DPYS: variants seen among roughly 807,000 people sequenced by gnomAD.
The protein encoded by DPYS is dihydropyrimidine amidohydrolase.
In DPYS, 39 loss-of-function variants were observed where a neutral mutation model predicts 50.3. That is an observed-to-expected ratio of 0.78 (90% CI 0.60 to 1.01). The LOEUF (loss-of-function observed/expected upper bound fraction) is 1.01. DPYS is among the 50% of genes least tolerant of loss of function. The pLI is 0.00. For missense variants in DPYS, 659 were observed against 680.9 expected (o/e 0.97, Z 0.36); for synonymous variants, 245 against 250.7 (o/e 0.98, Z 0.22).
chr8:104,450,389 G>A (rs958944430), intron 2 of DPYS, among the ~76,000 whole-genome samples: 8 of 152,114 alleles, frequency 5.3e-5, no homozygotes, highest in Non-Finnish European at 8.8e-5. Flanking sequence ...CGAGTTTGTG[G>A]GGGATGTGAG....
chr8:104,435,313 C>G (rs770527144), intron 4 of DPYS, among the ~76,000 whole-genome samples: 9 of 152,058 alleles, frequency 5.9e-5, no homozygotes, highest in Non-Finnish European at 1.2e-4. Flanking sequence ...CTTGTTTGTT[C>G]AACTTCACAC....
In DPYS at chr8:104,412,813, C is replaced by G. The variant is rs985655664; in HGVS notation, c.1235+11434G>C. ...AGCCACCACTTCTCTGCTGGCCATG[C>G]CCTTACCACCCTGGTAAAGAATGGG... On this transcript the variant is annotated intron_variant, in intron 7 of 9. Coordinates refer to ENST00000351513, the MANE Select transcript of DPYS (RefSeq NM_001385.3). 1.2e-4 allele frequency among the ~76,000 whole-genome samples: 18 copies of G among 152,204 alleles called. 1 individual carries two copies. The highest frequency in any genetic ancestry group is 4.3e-4 in the African/African-American group (18 of 41,446).
chr8:104,466,771 C>G lies in DPYS; in HGVS notation c.150G>C (p.Arg50=). 6.5e-7 allele frequency: 1 copy of G among 1,534,286 alleles called. No individual in the cohort carries two copies. Among genetic ancestry groups the G allele is most frequent in the Non-Finnish European group, 8.7e-7 (1 of 1,145,784 alleles). Residue 50 remains arginine (R), a synonymous_variant, in exon 1 of 10, where the codon CGG becomes CGC. Coordinates refer to ENST00000351513, the MANE Select transcript of DPYS (RefSeq NM_001385.3). ...CGAGCTTGCCGGCGGCGTCGAGGAC[C>G]CGCAGCCCCGCAGGAGCGCCCCCGG... The part of the protein sequence containing the change: ...LPPGGAPAGL[R]VLDAAGKLVL...
At chr8:104,463,955 C>T (rs1433375484) in intron 1 of DPYS, among the ~76,000 whole-genome samples, 4 of 152,140 alleles carry the variant, frequency 2.6e-5, no homozygotes, top group East Asian at 3.9e-4. Context: ...TCAGCTGTTT[C>T]GGGGGGTGGG....
intron 7 of DPYS, among the ~76,000 whole-genome samples, chr8:104,402,746 T>G (rs1811862407): frequency 6.6e-6 from 1 of 152,142 alleles, no homozygotes; most frequent in Non-Finnish European, 1.5e-5. Flanking sequence ...TAGCTCCATA[T>G]TTTAGGAAGA....
At chr8:104,447,802 T>C (rs2669432) in intron 2 of DPYS, among the ~76,000 whole-genome samples, 138,420 of 152,288 alleles carry the variant, frequency 0.91, 63,452 homozygotes, top group Middle Eastern at 0.98. Flanking sequence ...TCTCCCGATT[T>C]GAGGAAATTA....
At position 104,424,254 on chromosome 8, in the gene DPYS, CT is replaced by C; in HGVS notation, c.1227del (p.Gly410AlafsTer30). 6.2e-7 allele frequency: 1 copy of C among 1,614,112 alleles called. No individual in the cohort carries two copies. The highest frequency in any genetic ancestry group is 8.5e-7 in the Non-Finnish European group (1 of 1,179,992). On this transcript the variant is annotated frameshift_variant, in exon 7 of 10. Coordinates refer to ENST00000351513, the MANE Select transcript of DPYS (RefSeq NM_001385.3). LOFTEE classifies it high-confidence loss of function. ...ACAAGAACTTAGACTTACCTTGTGC[CT>C]TTTGGGTCCCAAATAACAATGTCAG... ...SDADIVIWDPKGTRTISAKTH... is the reference protein window; with the variant it reads ...SDADIVIWDPXGTRTISAKTH...
At chr8:104,459,802 G>A (rs923063866) in intron 1 of DPYS, among the ~76,000 whole-genome samples, 1 of 152,148 alleles carries the variant, frequency 6.6e-6, no homozygotes, top group African/African-American at 2.4e-5. Flanking sequence ...TACCTAAATA[G>A]ACACTGTCAC....
chr8:104,414,377 C>A (rs80020695), intron 7 of DPYS, among the ~76,000 whole-genome samples: 8,548 of 152,198 alleles, frequency 0.056, 291 homozygotes, highest in African/African-American at 0.07. Flanking sequence ...TTGCTGGAAC[C>A]AACTACAGGA....
chr8:104,445,236 C>T (rs555077074), intron 3 of DPYS, among the ~76,000 whole-genome samples: 1 of 152,250 alleles, frequency 6.6e-6, no homozygotes, highest in South Asian at 2.1e-4. Context: ...ACAGAGCTAC[C>T]ATATGATCCA....
At chr8:104,390,344 T>C (rs545787139) in intron 8 of DPYS, among the ~76,000 whole-genome samples, 1 of 152,292 alleles carries the variant, frequency 6.6e-6, no homozygotes, top group Non-Finnish European at 1.5e-5. Flanking sequence ...CATTACTTCA[T>C]TTAACTCAAT....
intron 9 of DPYS, 139 bp downstream of exon 9, chr8:104,381,045 A>G (rs1288068770): frequency 6.7e-6 from 5 of 743,136 alleles, no homozygotes; most frequent in East Asian, 2.7e-5. Flanking sequence ...GCTTTGATCA[A>G]TCTTCCCTTG....
chr8:104,380,202 G>A (rs1224522022), intron 9 of DPYS, among the ~76,000 whole-genome samples: 2 of 152,176 alleles, frequency 1.3e-5, no homozygotes, highest in African/African-American at 4.8e-5. Flanking sequence ...AATCCCTGCA[G>A]GAACAGGATT....
chr8:104,454,334 C>T (rs1400007028), intron 1 of DPYS, among the ~76,000 whole-genome samples: 2 of 152,140 alleles, frequency 1.3e-5, no homozygotes, highest in Non-Finnish European at 2.9e-5. Context: ...TGCGGTGAGC[C>T]GAGATCATGC....
intron 7 of DPYS, among the ~76,000 whole-genome samples, chr8:104,395,357 C>T (rs1214999425): frequency 6.6e-6 from 1 of 152,158 alleles, no homozygotes; most frequent in East Asian, 1.9e-4. Flanking sequence ...TTCTGGTGCA[C>T]ATTTCTATGA....
chr8:104,458,339 C>A (rs775861575), intron 1 of DPYS, among the ~76,000 whole-genome samples: 1 of 152,348 alleles, frequency 6.6e-6, no homozygotes, highest in East Asian at 1.9e-4. Context: ...TCCCTCTCAA[C>A]TCATTCACTC....
At chr8:104,410,595 T>C (rs1354164389) in intron 7 of DPYS, among the ~76,000 whole-genome samples, 4 of 152,012 alleles carry the variant, frequency 2.6e-5, no homozygotes, top group Non-Finnish European at 5.9e-5. Flanking sequence ...GCCCCTTCTC[T>C]TTACAGCCAT....
chr8:104,466,549 T>C, intron 1 of DPYS, 108 bp downstream of exon 1: 2 of 1,278,590 alleles, frequency 1.6e-6, no homozygotes, highest in Non-Finnish European at 2.0e-6. Context: ...ACCCAGCTCC[T>C]CGGCGCCGCG....
chr8:104,430,510 G>C (rs1401595098), intron 4 of DPYS, among the ~76,000 whole-genome samples: 1 of 152,166 alleles, frequency 6.6e-6, no homozygotes, highest in African/African-American at 2.4e-5. Flanking sequence ...ATTAAGGAGA[G>C]TGCACAGTAG....
Sources: allele counts gnomAD v4.1 joint callset (sites outside exome capture counted in the v4.1 genomes callset), GRCh38; gene constraint gnomAD v4.1.1; transcripts MANE v1.5; gene names NCBI Gene and HGNC (gene_info 2026-07-23, HGNC 2026-07-21).